IPO7: variants seen among roughly 807,000 people sequenced by gnomAD.
IPO7 encodes importin 7.
In IPO7, 13 loss-of-function variants were observed where a neutral mutation model predicts 136.4. The ratio of observed to expected loss-of-function variants is 0.10; its 90% CI spans 0.06 to 0.15. The LOEUF (loss-of-function observed/expected upper bound fraction) is 0.15, where lower values mean the gene tolerates loss of function less well. IPO7 is among the 10% of genes least tolerant of loss of function. The probability of loss-of-function intolerance (pLI) is 1.00; values close to 1 mark genes in which losing one functional copy is unlikely to be tolerated. For missense variants in IPO7, 857 were observed against 1,240.6 expected, an observed-to-expected ratio of 0.69 and a Z score of 4.65; for synonymous variants, 403 against 404.4, an observed-to-expected ratio of 1.00 and a Z score of 0.04.
intron 5 of IPO7, among the ~76,000 whole-genome samples, chr11:9,415,986 T>C (rs1855037562): frequency 1.3e-5 from 2 of 152,232 alleles, no homozygotes; most frequent in Admixed American, 6.5e-5. Context: ...TCTCATCTGC[T>C]AAGATCATTG....
chr11:9,385,760 C>T (rs1480792744), intron 1 of IPO7, among the ~76,000 whole-genome samples: 1 of 152,066 alleles, frequency 6.6e-6, no homozygotes, highest in Non-Finnish European at 1.5e-5. Context: ...GGGGACCGCT[C>T]CTTGGAAAAC....
At chr11:9,440,173 T>TA (rs1474533720) in intron 22 of IPO7, among the ~76,000 whole-genome samples, 1 of 152,212 alleles carries the variant, frequency 6.6e-6, no homozygotes, top group Non-Finnish European at 1.5e-5. Context: ...AAAAAAATCT[T>TA]ACAAAAGGTT....
At chr11:9,420,294 CA>C (rs34703286) in intron 6 of IPO7, 116 bp from the exon 7 acceptor site, 23,878 of 471,942 alleles carry the variant, frequency 0.051, no homozygotes, top group Middle Eastern at 0.078. Context: ...GACTCCATCT[CA>C]AAAAAAAAAA....
intron 4 of IPO7, among the ~76,000 whole-genome samples, chr11:9,412,601 A>T (rs563198179): frequency 6.6e-6 from 1 of 152,290 alleles, no homozygotes; most frequent in Non-Finnish European, 1.5e-5. Flanking sequence ...GAATCACTTG[A>T]GCCCAGGAGT....
At chr11:9,419,559 A>AAAAAAAT (rs1256216265) in intron 6 of IPO7, among the ~76,000 whole-genome samples, 5 of 116,846 alleles carry the variant, frequency 4.3e-5, no homozygotes, top group Non-Finnish European at 8.4e-5. Flanking sequence ...AAAAAAAAAA[A>AAAAAAAT]ATATATATAT....
chr11:9,444,455 C>T lies in IPO7; in HGVS notation c.3020-642C>T, dbSNP rs1036566520. 2.0e-4 allele frequency among the ~76,000 whole-genome samples: 31 copies of T among 151,824 alleles called. 1 individual carries two copies. The highest frequency in any genetic ancestry group is 7.2e-4 in the African/African-American group (30 of 41,484). On this transcript the variant is annotated intron_variant, in intron 24 of 24. Coordinates refer to ENST00000379719, the MANE Select transcript of IPO7 (RefSeq NM_006391.3). ...CTCGGCTCACTGCCACCTCCATCTCCCGATTTCAAGTGATTCTCGTGCCTC... is the reference window on the plus strand; with the variant it reads ...CTCGGCTCACTGCCACCTCCATCTCTCGATTTCAAGTGATTCTCGTGCCTC...
At chr11:9,438,345 G>C (rs1855412699) in intron 22 of IPO7, 60 bp downstream of exon 22, 10 of 1,104,210 alleles carry the variant, frequency 9.1e-6, no homozygotes, top group Non-Finnish European at 1.4e-5. Flanking sequence ...TACCGCACTG[G>C]GCCGGGCGCA....
intron 4 of IPO7, among the ~76,000 whole-genome samples, chr11:9,411,643 A>T (rs889256593): frequency 6.6e-6 from 1 of 151,718 alleles, no homozygotes; most frequent in Admixed American, 6.6e-5. Context: ...AACCACTGAA[A>T]TTTTTTTTTA....
At chr11:9,438,760 A>G (rs1855419618) in intron 22 of IPO7, among the ~76,000 whole-genome samples, 1 of 152,246 alleles carries the variant, frequency 6.6e-6, no homozygotes, top group Non-Finnish European at 1.5e-5. Flanking sequence ...CTTCAGCTGT[A>G]TTACCAACAT....
chr11:9,397,341 A>AAAAAAAATATAT lies in IPO7; in HGVS notation c.85-5948_85-5947insAAAAAATATATA. Reference sequence around the variant, plus strand: ...CTTTACTAAAAATAATTTAAAAAAAAATATATATATATATATATATATATT... The same window carrying AAAAAAAATATAT: ...CTTTACTAAAAATAATTTAAAAAAAAAAAAAAATATATATATATATATATATATATATATATT... On this transcript the variant is annotated intron_variant, in intron 1 of 24. Coordinates refer to ENST00000379719, the MANE Select transcript of IPO7 (RefSeq NM_006391.3). Among the ~76,000 whole-genome samples, 80 of 10,768 alleles carry AAAAAAAATATAT rather than the reference A, an allele frequency of 7.4e-3. 6 individuals carry two copies. Among genetic ancestry groups the AAAAAAAATATAT allele is most frequent in the Non-Finnish European group, 0.012 (65 of 5,466 alleles). The allele number at this position is 10,768 out of a possible 152,430, so 7.1% of individuals were successfully genotyped here. A position where few individuals can be genotyped will look rare whatever the true frequency, so the allele number is the denominator to read the frequency against.
At chr11:9,392,721 G>C (rs994804702) in intron 1 of IPO7, among the ~76,000 whole-genome samples, 41 of 151,994 alleles carry the variant, frequency 2.7e-4, no homozygotes, top group Non-Finnish European at 8.8e-5. Flanking sequence ...GGCCAAGGTG[G>C]GTGGATCATC....
chr11:9,402,421 A>G (rs977977797), intron 1 of IPO7, among the ~76,000 whole-genome samples: 11 of 149,834 alleles, frequency 7.3e-5, no homozygotes, highest in Middle Eastern at 3.2e-3. Flanking sequence ...AAAAAAAAAA[A>G]AAAAAAGAAT....
chr11:9,429,235 C>G, intron 14 of IPO7, 39 bp downstream of exon 14: 1 of 1,547,758 alleles, frequency 6.5e-7, no homozygotes, highest in Non-Finnish European at 8.9e-7. Flanking sequence ...TGAATGTTGG[C>G]CAGGTGCGGT....
At chr11:9,386,895 A>G (rs999500248) in intron 1 of IPO7, among the ~76,000 whole-genome samples, 2 of 152,218 alleles carry the variant, frequency 1.3e-5, no homozygotes, top group Admixed American at 1.3e-4. Context: ...TACATTTCAT[A>G]CATTTCTTTC....
chr11:9,394,062 T>G (rs1644635995), intron 1 of IPO7, among the ~76,000 whole-genome samples: 1 of 151,850 alleles, frequency 6.6e-6, no homozygotes, highest in Admixed American at 6.6e-5. Context: ...TTTGTATTTT[T>G]AGAGATGGGT....
intron 20 of IPO7, 88 bp downstream of exon 20, chr11:9,436,454 T>G (rs1855369989): frequency 1.2e-6 from 1 of 831,964 alleles, no homozygotes; most frequent in Non-Finnish European, 1.9e-6. Context: ...TTGTTGCATA[T>G]TCTGTATGTT....
intron 2 of IPO7, among the ~76,000 whole-genome samples, chr11:9,407,792 T>C (rs1854907892): frequency 1.3e-5 from 2 of 152,318 alleles, no homozygotes; most frequent in South Asian, 4.1e-4. Context: ...CAGTACATCT[T>C]ACAGATTTGT....
At chr11:9,414,622 T>C (rs1320491537) in intron 5 of IPO7, 2 of 222,640 alleles carry the variant, frequency 9.0e-6, no homozygotes, top group Admixed American at 6.7e-5. Flanking sequence ...AATGAATCTT[T>C]TTTTTTTTTT....
At chr11:9,422,459 G>A (rs192119081) in intron 8 of IPO7, among the ~76,000 whole-genome samples, 78 of 151,830 alleles carry the variant, frequency 5.1e-4, no homozygotes, top group African/African-American at 1.8e-3. Context: ...CTTTAAACTA[G>A]TAGATCCTCT....
Sources: allele counts gnomAD v4.1 joint callset (sites outside exome capture counted in the v4.1 genomes callset), GRCh38; gene constraint gnomAD v4.1.1; transcripts MANE v1.5; gene names NCBI Gene and HGNC (gene_info 2026-07-23, HGNC 2026-07-21).